SNTG2: variants seen among roughly 807,000 people sequenced by gnomAD.
The protein encoded by SNTG2 is gamma-2-syntrophin.
A neutral mutation model predicts 70.9 loss-of-function variants in SNTG2; 74 were observed. That is an observed-to-expected ratio of 1.04 (90% confidence interval 0.86 to 1.27). The LOEUF is 1.27. SNTG2 is among the 50% of genes most tolerant of loss of function. The pLI is 0.00. For missense variants in SNTG2, 717 were observed against 690.7 expected (o/e 1.04, Z -0.43); for synonymous variants, 278 against 273.8 (o/e 1.02, Z -0.15).
At chr2:982,026 ACACT>A (rs747671153) in intron 1 of SNTG2, among the ~76,000 whole-genome samples, 24 of 152,266 alleles carry the variant, frequency 1.6e-4, no homozygotes, top group African/African-American at 3.4e-4. Context: ...ACACAGACAC[ACACT>A]CACAAGCACT....
At chr2:1,295,065 TG>T (rs1433570837) in intron 14 of SNTG2, among the ~76,000 whole-genome samples, 2 of 152,164 alleles carry the variant, frequency 1.3e-5, no homozygotes, top group African/African-American at 4.8e-5. Flanking sequence ...CATGGAGTGC[TG>T]GGGAGATGAT....
intron 4 of SNTG2, chr2:1,103,274 T>C (rs1572437720): frequency 4.4e-6 from 1 of 226,496 alleles, no homozygotes; most frequent in Non-Finnish European, 9.3e-6. Flanking sequence ...TTGTTAATAT[T>C]ACATTTGAAA....
At chr2:1,240,198 C>G (rs1676956422) in intron 11 of SNTG2, among the ~76,000 whole-genome samples, 1 of 152,120 alleles carries the variant, frequency 6.6e-6, no homozygotes, top group Non-Finnish European at 1.5e-5. Context: ...CTCAGGAGGG[C>G]TTTGGCCCAG....
At chr2:1,157,257 G>C (rs1669960534) in intron 6 of SNTG2, among the ~76,000 whole-genome samples, 1 of 152,308 alleles carries the variant, frequency 6.6e-6, no homozygotes, top group East Asian at 1.9e-4. Flanking sequence ...AGTTTGGCAG[G>C]AATCATCGAG....
chr2:1,086,653 C>T (rs903059417), intron 2 of SNTG2, among the ~76,000 whole-genome samples: 2 of 152,240 alleles, frequency 1.3e-5, no homozygotes, highest in Non-Finnish European at 2.9e-5. Context: ...TGTAAGGTCA[C>T]AGGACCCTGT....
At chr2:1,358,928 G>A (rs945370899) in intron 16 of SNTG2, among the ~76,000 whole-genome samples, 2 of 152,046 alleles carry the variant, frequency 1.3e-5, no homozygotes, top group Non-Finnish European at 2.9e-5. Flanking sequence ...TTAAAAGGGT[G>A]ATACTGAACT....
intron 1 of SNTG2, among the ~76,000 whole-genome samples, chr2:964,109 C>T (rs896970473): frequency 6.6e-6 from 1 of 152,192 alleles, no homozygotes; most frequent in Non-Finnish European, 1.5e-5. Context: ...ACCAGTGTTG[C>T]TTGTGAAATC....
intron 4 of SNTG2, among the ~76,000 whole-genome samples, chr2:1,121,656 G>A (rs1441002203): frequency 1.3e-5 from 2 of 152,054 alleles, no homozygotes; most frequent in Non-Finnish European, 2.9e-5. Context: ...TTCTTCATAA[G>A]GTGGCAGGAA....
intron 16 of SNTG2, among the ~76,000 whole-genome samples, chr2:1,322,847 A>G (rs982215517): frequency 4.6e-5 from 7 of 152,092 alleles, no homozygotes; most frequent in African/African-American, 1.7e-4. Flanking sequence ...GTCACTGAGC[A>G]GGGATTGCTT....
intron 1 of SNTG2, among the ~76,000 whole-genome samples, chr2:985,411 C>CT (rs201761213): frequency 0.014 from 2,152 of 151,992 alleles, 119 homozygotes; most frequent in Admixed American, 0.11. Context: ...AGGGATGTGT[C>CT]TTTTTTCTTT....
chr2:974,508 G>A (rs1032732039), intron 1 of SNTG2, among the ~76,000 whole-genome samples: 11 of 152,200 alleles, frequency 7.2e-5, no homozygotes, highest in Non-Finnish European at 4.4e-5. Flanking sequence ...GCATGCAGGA[G>A]CTGGACACTG....
intron 1 of SNTG2, among the ~76,000 whole-genome samples, chr2:968,645 T>C (rs774234631): frequency 2.0e-5 from 3 of 152,192 alleles, no homozygotes; most frequent in Non-Finnish European, 4.4e-5. Context: ...CTTTAATCCC[T>C]TCCCATAAGT....
intron 9 of SNTG2, among the ~76,000 whole-genome samples, chr2:1,235,524 C>T (rs1483573949): frequency 1.3e-5 from 1 of 75,096 alleles, no homozygotes; most frequent in East Asian, 4.5e-4. Flanking sequence ...GCCCCTGCCC[C>T]ACGCTGCCCT....
Position 975,536 on chromosome 2 carries a change from T to C in SNTG2, c.72+24468T>C, listed in dbSNP as rs773619250. Among the ~76,000 whole-genome samples the C allele has an allele frequency of 5.9e-5, 9 of 152,306 alleles. 1 individual carries two copies. In the South Asian group the frequency reaches 1.0e-3, roughly 18 times the overall value. On this transcript the variant is annotated intron_variant, in intron 1 of 16. Transcript: ENST00000308624. ...GAGTACATTGACATCTACTATATAA[T>C]AAGCTCTAAAGATTAATTAAGGAAT...
intron 16 of SNTG2, among the ~76,000 whole-genome samples, chr2:1,317,721 T>C (rs1374849181): frequency 7.2e-6 from 1 of 139,536 alleles, no homozygotes; most frequent in African/African-American, 2.6e-5. Context: ...CAGGCCAGCA[T>C]TGGAGAAGGT....
intron 8 of SNTG2, among the ~76,000 whole-genome samples, chr2:1,175,535 T>C (rs1246453050): frequency 2.6e-5 from 4 of 152,250 alleles, no homozygotes; most frequent in Non-Finnish European, 5.9e-5. Context: ...TGACTCACCT[T>C]TCCTGCTTAT....
chr2:1,109,226 C>G (rs969243532), intron 4 of SNTG2, among the ~76,000 whole-genome samples: 3 of 151,990 alleles, frequency 2.0e-5, no homozygotes, highest in Non-Finnish European at 4.4e-5. Flanking sequence ...GGTTTGCTCT[C>G]GGTGATCACC....
intron 4 of SNTG2, among the ~76,000 whole-genome samples, chr2:1,112,706 A>G (rs1666576592): frequency 6.7e-6 from 1 of 149,562 alleles, no homozygotes; most frequent in Admixed American, 6.6e-5. Context: ...AGTGAGGGTT[A>G]ACCCTTACAG....
At chr2:1,200,588 A>G (rs4484058) in intron 8 of SNTG2, among the ~76,000 whole-genome samples, 49,298 of 151,862 alleles carry the variant, frequency 0.32, 8,545 homozygotes, top group East Asian at 0.66. Flanking sequence ...AAGCAACAAT[A>G]TATGTAATGA....
Sources: allele counts gnomAD v4.1 joint callset (sites outside exome capture counted in the v4.1 genomes callset), GRCh38; gene constraint gnomAD v4.1.1; transcripts MANE v1.5; gene names NCBI Gene and HGNC (gene_info 2026-07-23, HGNC 2026-07-21).